Variants in CACNA1C observed in about 807,000 individuals in gnomAD.
CACNA1C encodes the protein voltage-dependent L-type calcium channel subunit alpha-1C.
CACNA1C carries 30 observed loss-of-function variants against 229.0 expected under a neutral mutation model. That is an observed-to-expected ratio of 0.13 (90% CI 0.10 to 0.18). The LOEUF (loss-of-function observed/expected upper bound fraction) is 0.18, where lower values mean the gene tolerates loss of function less well. CACNA1C is among the 10% of genes least tolerant of loss of function. CACNA1C has a pLI of 1.00. For missense variants in CACNA1C, 1,658 were observed against 2,845.0 expected, an observed-to-expected ratio of 0.58 and a Z score of 9.49; for synonymous variants, 1,114 against 1,132.5, an observed-to-expected ratio of 0.98 and a Z score of 0.33.
chr12:2,684,179 G>A (rs2097324525), intron 43 of CACNA1C, among the ~76,000 whole-genome samples: 1 of 152,194 alleles, frequency 6.6e-6, no homozygotes, highest in African/African-American at 2.4e-5. Context: ...AAGAGTAGCA[G>A]AAGCACCTCC....
intron 45 of CACNA1C, among the ~76,000 whole-genome samples, chr12:2,687,391 C>T (rs954088499): frequency 1.3e-5 from 2 of 152,238 alleles, no homozygotes; most frequent in African/African-American, 4.8e-5. Context: ...ACCACAGTGT[C>T]GCTCTCTCCC....
intron 1 of CACNA1C, among the ~76,000 whole-genome samples, chr12:2,095,989 A>G (rs2073775245): frequency 6.6e-6 from 1 of 152,236 alleles, no homozygotes; most frequent in East Asian, 1.9e-4. Flanking sequence ...TTCTTTTCAT[A>G]CTGGCTGTGT....
chr12:2,185,850 G>A (rs1237752243), intron 3 of CACNA1C, among the ~76,000 whole-genome samples: 1 of 152,176 alleles, frequency 6.6e-6, no homozygotes, highest in Non-Finnish European at 1.5e-5. Flanking sequence ...TGCACCACGT[G>A]TCTTTGCCCG....
chr12:2,036,649 A>G (rs2049197102), intron 1 of CACNA1C, among the ~76,000 whole-genome samples: 1 of 152,192 alleles, frequency 6.6e-6, no homozygotes, highest in Admixed American at 6.5e-5. Flanking sequence ...TCTTTTTAGT[A>G]GAGACAGGGT....
Position 2,389,270 on chromosome 12 carries a change from C to T in CACNA1C, c.478-59706C>T, listed in dbSNP as rs184267468. Among the ~76,000 whole-genome samples the T allele has an allele frequency of 2.6e-3, 390 of 150,590 alleles. 6 individuals carry two copies. The highest frequency in any genetic ancestry group is 9.3e-3 in the African/African-American group (380 of 40,964). ...TTGGATTCCGAGATGTGTTGATCACCGGTGCACTTGGCAAGCATGCCAGAG... is the reference window on the plus strand; with the variant it reads ...TTGGATTCCGAGATGTGTTGATCACTGGTGCACTTGGCAAGCATGCCAGAG... On this transcript the variant is annotated intron_variant, in intron 3 of 46. Coordinates refer to ENST00000399655, the MANE Select transcript of CACNA1C (RefSeq NM_000719.7).
At chr12:1,998,117 A>C (rs758008690) in intron 1 of CACNA1C, 5 of 631,740 alleles carry the variant, frequency 7.9e-6, no homozygotes, top group Non-Finnish European at 1.3e-5. Context: ...TCTCAGGAAA[A>C]GGAGAAAGCA....
intron 3 of CACNA1C, among the ~76,000 whole-genome samples, chr12:2,176,115 G>A (rs1416207653): frequency 6.6e-6 from 1 of 152,108 alleles, no homozygotes; most frequent in Non-Finnish European, 1.5e-5. Flanking sequence ...TAGAGGGGTG[G>A]GATGCTAGAG....
At chr12:2,628,408 T>G (rs1012611315) in intron 29 of CACNA1C, among the ~76,000 whole-genome samples, 9 of 152,156 alleles carry the variant, frequency 5.9e-5, no homozygotes, top group Admixed American at 5.9e-4. Context: ...CAGATTTCAT[T>G]CAGGAGAGTT....
In CACNA1C at chr12:2,138,581, G is replaced by A. The variant is rs570960685; in HGVS notation, c.477+18151G>A. On this transcript the variant is annotated intron_variant, in intron 3 of 46. Transcript: ENST00000399655. ...GAGAGAGCAGGTAAGAGAGTGACCAGCAGCAGGCCGGGGTCACTTCCACGC... is the reference window on the plus strand; with the variant it reads ...GAGAGAGCAGGTAAGAGAGTGACCAACAGCAGGCCGGGGTCACTTCCACGC... Among the ~76,000 whole-genome samples, 153 of 151,178 alleles carry A rather than the reference G, an allele frequency of 1.0e-3. 7 individuals are homozygous for A. Among genetic ancestry groups the A allele is most frequent in the Non-Finnish European group, 1.6e-3 (107 of 67,504 alleles).
In CACNA1C at chr12:2,666,816, GA is replaced by G; in HGVS notation, c.4623+38del. The G allele has an allele frequency of 7.9e-7, 1 of 1,272,956 alleles. No homozygotes were observed. 78.9% of individuals were successfully genotyped at this position (1,272,956 alleles called of 1,614,324 possible). A position where few individuals can be genotyped will look rare whatever the true frequency, so the allele number is the denominator to read the frequency against. On this transcript the variant is annotated intron_variant, in intron 37 of 46. Coordinates refer to ENST00000399655, the MANE Select transcript of CACNA1C (RefSeq NM_000719.7). This position sits in a 1 kb window ranked among gnomAD's most constrained non-coding sequence, Gnocchi z 5.3. The stretch of plus-strand genomic sequence containing the variant: ...TAACGGGGTTCATGGGAGGGAGAGG[GA>G]AAATAGGGGAAGTGAAGTGCCCATT...
At chr12:2,657,079 T>C (rs948195589) in intron 34 of CACNA1C, among the ~76,000 whole-genome samples, 1 of 152,168 alleles carries the variant, frequency 6.6e-6, no homozygotes, top group South Asian at 2.1e-4. Context: ...TAAAGTTTAC[T>C]CCCCAACATA....
At chr12:2,011,185 G>A (rs1336396015) in intron 1 of CACNA1C, 1 of 150,528 alleles carries the variant, frequency 6.6e-6, no homozygotes, top group Non-Finnish European at 1.5e-5. Context: ...AAGGGAAAAA[G>A]GAGGAAGTAG....
At chr12:2,210,422 T>G (rs1230519710) in intron 3 of CACNA1C, among the ~76,000 whole-genome samples, 1 of 152,248 alleles carries the variant, frequency 6.6e-6, no homozygotes, top group East Asian at 1.9e-4. Context: ...TTAAGACTTA[T>G]GCCCTCTTTC....
chr12:2,480,913 C>A (rs2099673465), intron 5 of CACNA1C, among the ~76,000 whole-genome samples: 1 of 152,194 alleles, frequency 6.6e-6, no homozygotes, highest in Admixed American at 6.5e-5. Context: ...CAATGATCTC[C>A]AATTCTAGGG....
At chr12:2,628,030 C>T (rs2087941510) in intron 29 of CACNA1C, among the ~76,000 whole-genome samples, 2 of 152,214 alleles carry the variant, frequency 1.3e-5, no homozygotes. Context: ...AGTGACAGCA[C>T]CTCTGCCCTC....
At chr12:2,409,706 C>G (rs781369340) in intron 3 of CACNA1C, among the ~76,000 whole-genome samples, 11 of 152,336 alleles carry the variant, frequency 7.2e-5, no homozygotes, top group Admixed American at 2.0e-4. Context: ...GCAGTCCCCC[C>G]CAAACCCCTT....
intron 5 of CACNA1C, among the ~76,000 whole-genome samples, chr12:2,484,682 A>G (rs1267798060): frequency 6.6e-6 from 1 of 151,870 alleles, no homozygotes; most frequent in Non-Finnish European, 1.5e-5. Flanking sequence ...CACCTCGAGT[A>G]GCACTTGGAA....
intron 1 of CACNA1C, among the ~76,000 whole-genome samples, chr12:2,068,140 A>G (rs2060053064): frequency 6.6e-6 from 1 of 152,170 alleles, no homozygotes; most frequent in Admixed American, 6.5e-5. Flanking sequence ...GAAAAATATG[A>G]TATCCTGAAT....
At chr12:2,417,169 A>G (rs1208468484) in intron 3 of CACNA1C, among the ~76,000 whole-genome samples, 2 of 152,192 alleles carry the variant, frequency 1.3e-5, no homozygotes, top group Non-Finnish European at 1.5e-5. Context: ...GCTGATGTAG[A>G]AGGCCTTCTC....
Sources: gnomAD v4.1 joint callset for allele counts (sites outside exome capture counted in the v4.1 genomes callset) on GRCh38, gnomAD v4.1.1 for gene constraint, Gnocchi (gnomAD v3.1) non-coding constraint, MANE v1.5 for transcripts, NCBI Gene and HGNC (gene_info 2026-07-23, HGNC 2026-07-21) for gene names.